The following TMEM117 variants were observed in gnomAD, a reference collection of about 807,000 sequenced individuals.
TMEM117 encodes transmembrane protein 117.
TMEM117 carries 27 observed loss-of-function variants against 52.4 expected under a neutral mutation model. The ratio of observed to expected loss-of-function variants is 0.51; its 90% CI spans 0.38 to 0.71. TMEM117 has a LOEUF of 0.71. Among genes scored for constraint, TMEM117 ranks in the 30% least tolerant of loss-of-function variants. The pLI, the probability that TMEM117 is intolerant of heterozygous loss-of-function variation, is 0.00. For synonymous variants in TMEM117, 215 were observed against 206.3 expected (o/e 1.04, Z -0.36); for missense variants, 556 against 630.5 (o/e 0.88, Z 1.26).
At chr12:44,059,792 G>A (rs1004982712) in intron 3 of TMEM117, among the ~76,000 whole-genome samples, 1 of 152,156 alleles carries the variant, frequency 6.6e-6, no homozygotes, top group African/African-American at 2.4e-5. Context: ...TATGACATTT[G>A]TATGTATTTC....
chr12:44,058,351 A>G (rs2137946686), intron 3 of TMEM117, among the ~76,000 whole-genome samples: 1 of 152,308 alleles, frequency 6.6e-6, no homozygotes, highest in Non-Finnish European at 1.5e-5. Context: ...CTGTAATCAC[A>G]ATAGAAAGCT....
chr12:44,324,012 T>C (rs1242536985), intron 6 of TMEM117, among the ~76,000 whole-genome samples: 2 of 152,122 alleles, frequency 1.3e-5, no homozygotes, highest in Non-Finnish European at 2.9e-5. Flanking sequence ...ACTGATCCTC[T>C]TTCTTCACCT....
At chr12:44,236,567 A>G (rs1231130883) in intron 5 of TMEM117, among the ~76,000 whole-genome samples, 1 of 152,104 alleles carries the variant, frequency 6.6e-6, no homozygotes, top group East Asian at 1.9e-4. Context: ...GGTTGTTTAA[A>G]TAGTTTGTCT....
chr12:44,243,509 T>C (rs548314197), intron 5 of TMEM117, among the ~76,000 whole-genome samples: 2 of 151,910 alleles, frequency 1.3e-5, no homozygotes, highest in Non-Finnish European at 2.9e-5. Context: ...AATTGACAAG[T>C]AATAATTATA....
At chr12:43,970,740 G>A (rs1299126490) in intron 3 of TMEM117, among the ~76,000 whole-genome samples, 1 of 152,118 alleles carries the variant, frequency 6.6e-6, no homozygotes, top group Admixed American at 6.5e-5. Flanking sequence ...TGGACAAGAG[G>A]GGACTACTGT....
At chr12:44,248,306 G>C (rs531970397) in intron 5 of TMEM117, 1 of 152,458 alleles carries the variant, frequency 6.6e-6, no homozygotes, top group Admixed American at 6.5e-5. Flanking sequence ...CCTGGAGTTG[G>C]CTAATTGACC....
intron 3 of TMEM117, among the ~76,000 whole-genome samples, chr12:43,998,504 T>C (rs567635369): frequency 2.0e-5 from 3 of 152,252 alleles, no homozygotes; most frequent in Non-Finnish European, 4.4e-5. Context: ...GTTAGGTTAA[T>C]GTCTACCATA....
chr12:44,101,576 C>G (rs1227987878), intron 3 of TMEM117, among the ~76,000 whole-genome samples: 6 of 151,976 alleles, frequency 3.9e-5, no homozygotes, highest in Admixed American at 3.9e-4. Context: ...CCACATCATA[C>G]TACATACTGT....
chr12:43,826,330 T>C, the TMEM117 span, among the ~76,000 whole-genome samples: 1 of 152,258 alleles, frequency 6.6e-6, no homozygotes, highest in Non-Finnish European at 1.5e-5. Flanking sequence ...ATTAACTTAA[T>C]CTTTTCTTGA....
chr12:44,092,681 G>A (rs1019629661), intron 3 of TMEM117, among the ~76,000 whole-genome samples: 2 of 152,064 alleles, frequency 1.3e-5, no homozygotes, highest in Admixed American at 6.6e-5. Context: ...AAAACCAGAC[G>A]TCTACCCAGA....
chr12:43,953,323 G>A (rs1439634675), intron 3 of TMEM117, among the ~76,000 whole-genome samples: 2 of 152,080 alleles, frequency 1.3e-5, no homozygotes, highest in African/African-American at 4.8e-5. Context: ...AATGTAAATA[G>A]GCTAAATGCC....
At chr12:43,857,313 CT>C (rs10625731) in intron 2 of TMEM117, among the ~76,000 whole-genome samples, 6,319 of 148,138 alleles carry the variant, frequency 0.043, 170 homozygotes, top group Middle Eastern at 0.088. Context: ...TTTCTAGGTA[CT>C]TTTTTTTTTT....
At chr12:43,900,676 C>T (rs1416227994) in intron 2 of TMEM117, among the ~76,000 whole-genome samples, 1 of 151,404 alleles carries the variant, frequency 6.6e-6, no homozygotes, top group Non-Finnish European at 1.5e-5. Flanking sequence ...TGAGATCGCG[C>T]CACTGTACTC....
At chr12:44,201,181 C>T (rs911886406) in intron 4 of TMEM117, among the ~76,000 whole-genome samples, 1 of 151,884 alleles carries the variant, frequency 6.6e-6, no homozygotes, top group Admixed American at 6.6e-5. Flanking sequence ...TGATGTGAGA[C>T]AATAGAAGAT....
intron 1 of TMEM117, among the ~76,000 whole-genome samples, chr12:43,839,888 A>G (rs948288976): frequency 6.6e-6 from 1 of 152,206 alleles, no homozygotes; most frequent in African/African-American, 2.4e-5. Flanking sequence ...ACTTTTGATA[A>G]TTCTCTATTT....
At chr12:44,285,221 A>T (rs1950624331) in intron 5 of TMEM117, among the ~76,000 whole-genome samples, 1 of 152,122 alleles carries the variant, frequency 6.6e-6, no homozygotes, top group Admixed American at 6.5e-5. Flanking sequence ...TTGTTCCTTC[A>T]TTTTATTTTG....
chr12:43,896,548 A>T (rs1944205486), intron 2 of TMEM117, among the ~76,000 whole-genome samples: 1 of 152,202 alleles, frequency 6.6e-6, no homozygotes, highest in Non-Finnish European at 1.5e-5. Context: ...AGCACCTTGT[A>T]CAGGGTAGGC....
In TMEM117 at chr12:44,230,511, G is replaced by T. The variant is rs536557657; in HGVS notation, c.608+19124G>T. Among the ~76,000 whole-genome samples the T allele has an allele frequency of 2.0e-5, 3 of 152,026 alleles. No homozygotes were observed. In the South Asian group the frequency reaches 6.2e-4, roughly 32 times the overall value. On this transcript the variant is annotated intron_variant, in intron 5 of 7. Coordinates refer to ENST00000266534, the MANE Select transcript of TMEM117 (RefSeq NM_032256.3). ...ATCCTCCCTGCCATTTCCTTGTTCA[G>T]ATTCTCACCCTCTTTCTCCTGAAGA...
At chr12:44,201,566 T>A (rs1249627661) in intron 4 of TMEM117, among the ~76,000 whole-genome samples, 3 of 152,096 alleles carry the variant, frequency 2.0e-5, no homozygotes, top group Non-Finnish European at 2.9e-5. Flanking sequence ...ACTCAAACTA[T>A]AAAAAGTATA....
Sources: gnomAD v4.1 joint callset for allele counts (sites outside exome capture counted in the v4.1 genomes callset) on GRCh38, gnomAD v4.1.1 for gene constraint, MANE v1.5 for transcripts, NCBI Gene and HGNC (gene_info 2026-07-23, HGNC 2026-07-21) for gene names.